CCDC187: variants seen among roughly 807,000 people sequenced by gnomAD.
CCDC187 encodes the protein coiled-coil domain-containing protein 187.
A neutral mutation model predicts 38.0 loss-of-function variants in CCDC187; 32 were observed. The observed-to-expected ratio is 0.84, with a 90% CI of 0.64 to 1.13. The LOEUF (loss-of-function observed/expected upper bound fraction) is 1.13, where lower values mean the gene tolerates loss of function less well. Ranked by LOEUF, CCDC187 falls within the 50% of genes most tolerant of loss-of-function variation. The pLI, the probability that CCDC187 is intolerant of heterozygous loss-of-function variation, is 0.00. For synonymous variants in CCDC187, 333 were observed against 347.9 expected, an observed-to-expected ratio of 0.96 and a Z score of 0.48; for missense variants, 707 against 786.8, an observed-to-expected ratio of 0.90 and a Z score of 1.21.
At chr9:136,288,568 C>A (rs1231053469) in intron 7 of CCDC187, among the ~76,000 whole-genome samples, 7 of 152,276 alleles carry the variant, frequency 4.6e-5, no homozygotes, top group African/African-American at 1.4e-4. Flanking sequence ...TGAGGCCAGG[C>A]CAGAGAGTGT....
rs897128243 is a variant in CCDC187 at position 136,303,232 on chromosome 9, G to T, written c.205C>A (p.Gln69Lys). 1.0e-5 allele frequency: 4 copies of T among 398,180 alleles called. No homozygotes were observed. The highest frequency in any genetic ancestry group is 1.8e-5 in the Non-Finnish European group (4 of 226,034). The allele number at this position is 398,180 out of a possible 1,614,324, so 24.7% of individuals were successfully genotyped here. ...AALRWPGPSQ[Q>K]PDPPWAAPHV... Reference sequence around the variant, plus strand: ...GGAGCTGCCCAGGGTGGGTCTGGCTGCTGGGAGGGCCCGGGCCACCTCAGG... The same window carrying T: ...GGAGCTGCCCAGGGTGGGTCTGGCTTCTGGGAGGGCCCGGGCCACCTCAGG... The change falls in exon 2 of 26, where the codon CAG becomes AAG. Residue 69 changes from glutamine to lysine, a missense_variant. Gln to Lys is a moderately conservative substitution (Grantham distance 53). Coordinates refer to ENST00000638797, the MANE Select transcript of CCDC187 (RefSeq NM_001378188.1).
chr9:136,262,269 T>G (rs1047016702), intron 19 of CCDC187, 42 bp downstream of exon 19: 3 of 985,568 alleles, frequency 3.0e-6, no homozygotes, highest in Non-Finnish European at 3.6e-6. Context: ...AACATCAGGG[T>G]CCAGACCCCG....
At chr9:136,259,630 T>C (rs1830657941) in intron 20 of CCDC187, among the ~76,000 whole-genome samples, 182 bp from the exon 21 acceptor site, 1 of 152,104 alleles carries the variant, frequency 6.6e-6, no homozygotes, top group Non-Finnish European at 1.5e-5. Flanking sequence ...CCATGTCCCC[T>C]GCCTGGAGGC....
chr9:136,290,363 C>T (rs1356564396), intron 6 of CCDC187, 123 bp downstream of exon 6: 8 of 397,658 alleles, frequency 2.0e-5, no homozygotes, highest in Middle Eastern at 6.2e-4. Context: ...TCCCCAGCCC[C>T]CAGCTGCAGC....
chr9:136,303,412 G>A (rs1831738736), intron 1 of CCDC187, 119 bp from the exon 2 acceptor site: 1 of 370,536 alleles, frequency 2.7e-6, no homozygotes, highest in African/African-American at 2.1e-5. Context: ...AGGTGGAAAG[G>A]AGGGCCTGGA....
Position 136,262,307 on chromosome 9 carries a change from T to A in CCDC187, c.4064+4A>T. On this transcript the variant is annotated splice_donor_region_variant and intron_variant, in intron 19 of 25. Coordinates refer to ENST00000638797, the MANE Select transcript of CCDC187 (RefSeq NM_001378188.1). Reference sequence around the variant, plus strand: ...CCCCGACCCCCTAAGACCAACCAACTCACCGCGTGGCCTTTGAGCTTGCGG... The same window carrying A: ...CCCCGACCCCCTAAGACCAACCAACACACCGCGTGGCCTTTGAGCTTGCGG... 1.0e-6 allele frequency: 1 copy of A among 986,136 alleles called. No individual in the cohort carries two copies. Among genetic ancestry groups the A allele is most frequent in the Non-Finnish European group, 1.2e-6 (1 of 830,560 alleles). 61.1% of individuals were successfully genotyped at this position (986,136 alleles called of 1,614,324 possible). A position where few individuals can be genotyped will look rare whatever the true frequency, so the allele number is the denominator to read the frequency against.
chr9:136,286,825 G>T lies in CCDC187; in HGVS notation c.2223-130C>A, dbSNP rs1831193870. On this transcript the variant is annotated intron_variant, in intron 7 of 25. Coordinates refer to ENST00000638797, the MANE Select transcript of CCDC187 (RefSeq NM_001378188.1). ...GACGGACCCAGTGTCTGTCCGCAGG[G>T]ACCAGGGAAGCGGTGACGGTATCCA... 1.0e-5 allele frequency: 4 copies of T among 397,636 alleles called. No homozygotes were observed. In the South Asian group the frequency reaches 5.7e-4, roughly 57 times the overall value. 24.6% of individuals were successfully genotyped at this position (397,636 alleles called of 1,614,324 possible).
intron 7 of CCDC187, among the ~76,000 whole-genome samples, chr9:136,289,272 C>T (rs1325080720): frequency 6.6e-6 from 1 of 152,058 alleles, no homozygotes; most frequent in Admixed American, 6.5e-5. Context: ...AATCCCAGCA[C>T]TTTGGGAGGC....
At chr9:136,272,432 G>C (rs1554762565) in intron 14 of CCDC187, among the ~76,000 whole-genome samples, 1 of 152,168 alleles carries the variant, frequency 6.6e-6, no homozygotes, top group African/African-American at 2.4e-5. Context: ...GCCGGGCGTG[G>C]TGGCTCACGC....
At chr9:136,281,461 C>G in intron 10 of CCDC187, 90 bp downstream of exon 10, 1 of 398,610 alleles carries the variant, frequency 2.5e-6, no homozygotes, top group Non-Finnish European at 4.4e-6. Context: ...TAGGGCCAAG[C>G]TCGAGTGCTA....
chr9:136,261,447 T>A (rs72775717), intron 19 of CCDC187, among the ~76,000 whole-genome samples: 1 of 152,032 alleles, frequency 6.6e-6, no homozygotes, highest in Admixed American at 6.5e-5. Flanking sequence ...CTGACACCCA[T>A]GCTGGGGTCC....
chr9:136,251,700 C>T lies in CCDC187; in HGVS notation c.*1894G>A, dbSNP rs1375154230. 1 of 155,062 alleles carries T rather than the reference C, an allele frequency of 6.4e-6. No individual in the cohort carries two copies. Among genetic ancestry groups the T allele is most frequent in the Admixed American group, 6.5e-5 (1 of 15,496 alleles). 9.6% of individuals were successfully genotyped at this position (155,062 alleles called of 1,614,324 possible). A position where few individuals can be genotyped will look rare whatever the true frequency, so the allele number is the denominator to read the frequency against. On this transcript the variant is annotated 3_prime_UTR_variant, in exon 26 of 26. Coordinates refer to ENST00000638797, the MANE Select transcript of CCDC187 (RefSeq NM_001378188.1). ...CCGTCCTCGTTCCTGCTCTTGGCGA[C>T]TCTGACTGTTCTTGCCTCTGGGCTG...
At chr9:136,284,273 G>A (rs1320239852) in intron 9 of CCDC187, among the ~76,000 whole-genome samples, 4 of 152,200 alleles carry the variant, frequency 2.6e-5, no homozygotes, top group South Asian at 2.1e-4. Context: ...TCATGCCCTC[G>A]GCCACCCAGC....
At chr9:136,285,322 G>A (rs1014606545) in intron 9 of CCDC187, among the ~76,000 whole-genome samples, 191 bp downstream of exon 9, 46 of 152,234 alleles carry the variant, frequency 3.0e-4, no homozygotes, top group Admixed American at 1.4e-3. Flanking sequence ...CCCGGCCAGC[G>A]TCCGAGCCAG....
chr9:136,293,653 C>T (rs971536450), intron 4 of CCDC187, among the ~76,000 whole-genome samples: 174 of 151,646 alleles, frequency 1.1e-3, no homozygotes, highest in Non-Finnish European at 1.7e-3. Flanking sequence ...CACACTCATG[C>T]TCACACTCTG....
intron 4 of CCDC187, among the ~76,000 whole-genome samples, chr9:136,293,235 GCTCACACTCACAT>G (rs1831392113): frequency 8.6e-6 from 1 of 116,810 alleles, no homozygotes; most frequent in Admixed American, 8.6e-5. Context: ...ACACTCACAC[GCTCACACTCACAT>G]GCTTACACAC....
upstream of CCDC187, among the ~76,000 whole-genome samples, chr9:136,305,394 C>G (rs1457232117): frequency 6.6e-6 from 1 of 152,216 alleles, no homozygotes; most frequent in East Asian, 1.9e-4. Context: ...GGCAGCTCCA[C>G]TTCCAGCCCC....
intron 15 of CCDC187, 67 bp downstream of exon 15, chr9:136,267,982 G>A (rs752032210): frequency 2.0e-6 from 2 of 985,224 alleles, no homozygotes; most frequent in South Asian, 4.7e-5. Flanking sequence ...TTGGGTCCGG[G>A]GCCCACTACC....
Position 136,258,547 on chromosome 9 carries a change from G to A in CCDC187, c.4366+385C>T, listed in dbSNP as rs868993702. On this transcript the variant is annotated intron_variant, in intron 22 of 25. Transcript: ENST00000638797. The surrounding 1 kb of genome is among the most constrained non-coding windows in gnomAD (Gnocchi z 4.3). ...AATTGGGGACTTGGCTCTCGGGGGG[G>A]GCCCCGGCCAAGTGTAAGGTTCAGA... 6.6e-6 allele frequency among the ~76,000 whole-genome samples: 1 copy of A among 152,240 alleles called. No homozygotes were observed. The highest frequency in any genetic ancestry group is 2.4e-5 in the African/African-American group (1 of 41,540).
Sources: gnomAD v4.1 joint callset for allele counts (sites outside exome capture counted in the v4.1 genomes callset) on GRCh38, gnomAD v4.1.1 for gene constraint, Gnocchi (gnomAD v3.1) non-coding constraint, MANE v1.5 for transcripts, NCBI Gene and HGNC (gene_info 2026-07-23, HGNC 2026-07-21) for gene names.